Variants in MVK observed in about 807,000 individuals in gnomAD.
MVK encodes LH receptor mRNA-binding protein.
In MVK, 34 loss-of-function variants were observed where a neutral mutation model predicts 43.2. The observed-to-expected ratio is 0.79, with a 90% CI of 0.60 to 1.05. The LOEUF (loss-of-function observed/expected upper bound fraction) is 1.05, where lower values mean the gene tolerates loss of function less well. Among genes scored for constraint, MVK ranks in the 50% least tolerant of loss-of-function variants. The pLI, the probability that MVK is intolerant of heterozygous loss-of-function variation, is 0.00. For synonymous variants in MVK, 190 were observed against 219.8 expected (o/e 0.86, Z 1.20); for missense variants, 395 against 504.0 (o/e 0.78, Z 2.07).
At chr12:109,579,065 G>A (rs1885086885) in intron 3 of MVK, 2 of 319,200 alleles carry the variant, frequency 6.3e-6, no homozygotes, top group African/African-American at 4.5e-5. Context: ...GTGAAACCTA[G>A]GCCCTTGTGC....
At chr12:109,585,769 G>GA (rs907573594) in intron 5 of MVK, among the ~76,000 whole-genome samples, 9 of 148,918 alleles carry the variant, frequency 6.0e-5, no homozygotes, top group African/African-American at 1.5e-4. Context: ...CAAAAAAAAA[G>GA]AAAAAAAAAG....
chr12:109,588,068 G>A (rs1199865100), intron 7 of MVK: 6 of 152,294 alleles, frequency 3.9e-5, no homozygotes, highest in African/African-American at 1.4e-4. Context: ...TCCAGCAGTC[G>A]TCAGGAGAGC....
chr12:109,577,356 G>T (rs1377548436), intron 3 of MVK, among the ~76,000 whole-genome samples: 1 of 152,168 alleles, frequency 6.6e-6, no homozygotes, highest in Non-Finnish European at 1.5e-5. Flanking sequence ...TGGGGTAAAT[G>T]AGAATCTTTT....
chr12:109,588,805 A>G (rs1885552464), intron 7 of MVK: 1 of 152,250 alleles, frequency 6.6e-6, no homozygotes, highest in South Asian at 2.1e-4. Flanking sequence ...TGGAACTCAT[A>G]CTTTGTTGGG....
intron 3 of MVK, among the ~76,000 whole-genome samples, chr12:109,577,024 T>C (rs1246180664): frequency 1.3e-5 from 2 of 152,262 alleles, no homozygotes; most frequent in African/African-American, 4.8e-5. Flanking sequence ...ATTTAGGCAT[T>C]AATCCTTCTG....
chr12:109,579,954 C>A lies in MVK; in HGVS notation c.371+8C>A, dbSNP rs67886029. The A allele has an allele frequency of 3.1e-6, 5 of 1,613,954 alleles. No individual in the cohort carries two copies. In the Admixed American group the frequency reaches 8.3e-5, roughly 27 times the overall value. Reference sequence around the variant, plus strand: ...CATCTGCCGGAAGCAGAGGTGTGTGCGTGGTCTGGGGAAGGAGTCCAGATT... The same window carrying A: ...CATCTGCCGGAAGCAGAGGTGTGTGAGTGGTCTGGGGAAGGAGTCCAGATT... On this transcript the variant is annotated splice_region_variant and intron_variant, in intron 4 of 10. Coordinates refer to ENST00000228510, the MANE Select transcript of MVK (RefSeq NM_000431.4).
At chr12:109,584,422 G>T (rs921912996) in intron 5 of MVK, among the ~76,000 whole-genome samples, 1 of 152,188 alleles carries the variant, frequency 6.6e-6, no homozygotes, top group Non-Finnish European at 1.5e-5. Context: ...TTTGAGGGGA[G>T]CACATCCTAT....
intron 3 of MVK, among the ~76,000 whole-genome samples, chr12:109,577,952 C>A (rs1885036388): frequency 6.6e-6 from 1 of 152,174 alleles, no homozygotes; most frequent in Non-Finnish European, 1.5e-5. Context: ...TTGTGTATGT[C>A]AGTAGCTTGG....
chr12:109,583,527 T>C (rs1220378084), intron 5 of MVK, among the ~76,000 whole-genome samples: 1 of 152,226 alleles, frequency 6.6e-6, no homozygotes, highest in Non-Finnish European at 1.5e-5. Flanking sequence ...GTTCCAAGTC[T>C]TTGCTATTGT....
chr12:109,574,330 C>T (rs1566140165), intron 1 of MVK, among the ~76,000 whole-genome samples: 1 of 152,208 alleles, frequency 6.6e-6, no homozygotes, highest in East Asian at 1.9e-4. Context: ...GCCTAAATGT[C>T]CAGCAAAGAG....
chr12:109,590,629 A>G (rs1885624286), intron 7 of MVK, 142 bp from the exon 8 acceptor site: 1 of 746,518 alleles, frequency 1.3e-6, no homozygotes, highest in Non-Finnish European at 2.4e-6. Flanking sequence ...CAGAAGCCCC[A>G]TGCTCCCCCA....
Position 109,579,845 on chromosome 12 carries a change from G to C in MVK, c.270G>C (p.Lys90Asn). The C allele has an allele frequency of 6.2e-7, 1 of 1,614,262 alleles. No homozygotes were observed. Among genetic ancestry groups the C allele is most frequent in the Non-Finnish European group, 8.5e-7 (1 of 1,180,042 alleles). Residue 90 changes from lysine (K) to asparagine (N), a missense_variant, in exon 4 of 11, where the codon AAG (lysine) becomes AAC (asparagine). Lys to Asn is a moderately conservative substitution (Grantham distance 94, BLOSUM62 0). Transcript: ENST00000228510. ...CACCCACCTCAGAGCAAGTGGAGAA[G>C]CTAAAGGAGGTTGCAGGCTTGCCTG... ...VTTPTSEQVE[K>N]LKEVAGLPDD...
At position 109,581,463 on chromosome 12, in the gene MVK, C is replaced by T; in HGVS notation, c.440C>T (p.Ala147Val). 1 of 1,614,186 alleles carries T rather than the reference C, an allele frequency of 6.2e-7. No individual in the cohort carries two copies. Among genetic ancestry groups the T allele is most frequent in the East Asian group, 2.2e-5 (1 of 44,868 alleles). The stretch of plus-strand genomic sequence containing the variant: ...CCCGGGGCGGGCTTGGGCTCCAGCG[C>T]CGCCTACTCGGTGTGTCTGGCAGCA... Reference protein sequence around the residue: ...LPPGAGLGSSAAYSVCLAAAL... With the variant: ...LPPGAGLGSSVAYSVCLAAAL... The change falls in exon 5 of 11, where the codon GCC (alanine) becomes GTC (valine). Residue 147 changes from alanine to valine, a missense_variant. Physicochemically the swap from Ala to Val is moderately conservative, Grantham distance 64. Coordinates refer to ENST00000228510, the MANE Select transcript of MVK (RefSeq NM_000431.4).
chr12:109,592,880 G>C (rs1278582702), intron 9 of MVK, among the ~76,000 whole-genome samples: 1 of 152,190 alleles, frequency 6.6e-6, no homozygotes, highest in Non-Finnish European at 1.5e-5. Flanking sequence ...ATAGAAAGGA[G>C]GGAACACAGT....
chr12:109,594,701 G>A (rs1050567207), intron 9 of MVK, among the ~76,000 whole-genome samples: 6 of 152,214 alleles, frequency 3.9e-5, no homozygotes, highest in Non-Finnish European at 8.8e-5. Flanking sequence ...AGGGGCAGAG[G>A]AAACCCTGGG....
chr12:109,579,137 ATTT>A (rs758612897), intron 3 of MVK: 1,112 of 320,328 alleles, frequency 3.5e-3, no homozygotes, highest in East Asian at 6.6e-3. Context: ...TAAGACTACA[ATTT>A]TTTTTTTTTT....
intron 3 of MVK, among the ~76,000 whole-genome samples, chr12:109,577,255 G>C (rs1884999843): frequency 6.6e-6 from 1 of 152,190 alleles, no homozygotes. Flanking sequence ...CTGCCCCAGA[G>C]CTGACGTGTG....
At chr12:109,590,272 C>T (rs1464142120) in intron 7 of MVK, 1 of 222,236 alleles carries the variant, frequency 4.5e-6, no homozygotes, top group Non-Finnish European at 9.2e-6. Context: ...GAACCTTCGC[C>T]CCCTCCTTGT....
chr12:109,596,828 G>A lies in MVK; in HGVS notation c.*251G>A. The A allele has an allele frequency of 1.7e-6, 1 of 579,852 alleles. No individual in the cohort carries two copies. 35.9% of individuals were successfully genotyped at this position (579,852 alleles called of 1,614,324 possible). On this transcript the variant is annotated 3_prime_UTR_variant, in exon 11 of 11. Transcript: ENST00000228510. ...GAGGGTCCTCTGAGACTCCAGACCT[G>A]AGGCGAGAAGGGCTGCTTCCCTGAA...
Sources: allele counts gnomAD v4.1 joint callset (sites outside exome capture counted in the v4.1 genomes callset), GRCh38; gene constraint gnomAD v4.1.1; transcripts MANE v1.5; gene names NCBI Gene and HGNC (gene_info 2026-07-23, HGNC 2026-07-21).